The following STS variants were observed in gnomAD, a reference collection of about 807,000 sequenced individuals.
The protein encoded by STS is steroid sulfatase.
In STS, 7 loss-of-function variants were observed where a neutral mutation model predicts 26.8. That is an observed-to-expected ratio of 0.26 (90% CI 0.15 to 0.49). The LOEUF (loss-of-function observed/expected upper bound fraction) is 0.49. STS is among the 20% of genes least tolerant of loss of function. STS has a pLI of 0.98. For synonymous variants in STS, 199 were observed against 189.4 expected (o/e 1.05, Z -0.42); for missense variants, 434 against 465.6 (o/e 0.93, Z 0.63).
At chrX:7,178,448 C>A (rs1306885530) in intron 1 of STS, among the ~76,000 whole-genome samples, 1 of 111,505 alleles carries the variant, frequency 9.0e-6, no homozygotes, top group East Asian at 2.9e-4. Flanking sequence ...CATATACTCC[C>A]GCTGCCGCAT....
intron 7 of STS, among the ~76,000 whole-genome samples, chrX:7,285,652 CAT>C (rs756820202): frequency 9.8e-5 from 11 of 112,011 alleles, no homozygotes; most frequent in Non-Finnish European, 1.5e-4. Context: ...GTTCATTACA[CAT>C]GTTCTAGCAT....
At chrX:7,210,434 A>T (rs748631145) in intron 2 of STS, among the ~76,000 whole-genome samples, 1 of 108,052 alleles carries the variant, frequency 9.3e-6, no homozygotes, top group South Asian at 3.8e-4. Context: ...GAAATATAAA[A>T]TATTTATATA....
chrX:7,213,459 T>TG lies in STS; in HGVS notation c.-5+22454dup, dbSNP rs758674731. On this transcript the variant is annotated intron_variant, in intron 2 of 10. Coordinates refer to ENST00000674429, the MANE Select transcript of STS (RefSeq NM_001320752.2). The stretch of plus-strand genomic sequence containing the variant: ...AGTTGTAAAGGGGACCATCTTTCGG[T>TG]GGGAAAGGCAGGCAGGAGGGCAGGA... 2.0e-3 allele frequency among the ~76,000 whole-genome samples: 222 copies of TG among 110,588 alleles called. 1 individual carries two copies. Among genetic ancestry groups the TG allele is most frequent in the Middle Eastern group, 4.6e-3 (1 of 216 alleles).
At chrX:7,335,297 A>G (rs1927962135) in intron 10 of STS, among the ~76,000 whole-genome samples, 1 of 112,324 alleles carries the variant, frequency 8.9e-6, no homozygotes, top group South Asian at 3.7e-4. Context: ...AATGATTGCC[A>G]TTCTAACTGA....
intron 7 of STS, among the ~76,000 whole-genome samples, chrX:7,294,458 A>G (rs767847462): frequency 7.2e-4 from 80 of 111,409 alleles, no homozygotes; most frequent in Admixed American, 1.1e-3. Flanking sequence ...ATAAAAGTAC[A>G]TGAGAGCATC....
intron 2 of STS, among the ~76,000 whole-genome samples, chrX:7,240,839 G>A (rs1922583112): frequency 9.1e-6 from 1 of 109,663 alleles, no homozygotes; most frequent in Non-Finnish European, 1.9e-5. Context: ...ATTGTCGTGC[G>A]ATCCACTCCA....
intron 8 of STS, among the ~76,000 whole-genome samples, chrX:7,324,255 T>A (rs1222673828): frequency 9.0e-6 from 1 of 110,832 alleles, no homozygotes; most frequent in Admixed American, 9.7e-5. Flanking sequence ...TTTAAAGACC[T>A]GCAGTCAATA....
intron 8 of STS, among the ~76,000 whole-genome samples, chrX:7,323,775 T>C (rs1268427922): frequency 8.9e-6 from 1 of 111,809 alleles, no homozygotes; most frequent in Non-Finnish European, 1.9e-5. Context: ...AGGGCTATGT[T>C]TCTTGCTGAA....
At chrX:7,323,891 A>G (rs1448863411) in intron 8 of STS, among the ~76,000 whole-genome samples, 1 of 110,647 alleles carries the variant, frequency 9.0e-6, no homozygotes, top group African/African-American at 3.3e-5. Flanking sequence ...GCAGCATAGC[A>G]TCTTCCAGCC....
intron 2 of STS, among the ~76,000 whole-genome samples, chrX:7,248,803 T>G (rs1428341406): frequency 9.0e-6 from 1 of 111,175 alleles, no homozygotes; most frequent in African/African-American, 3.3e-5. Flanking sequence ...CCACTATCCA[T>G]CTCTAGAATT....
upstream of STS, among the ~76,000 whole-genome samples, chrX:7,147,562 CCATCA>C (rs778513733): frequency 2.7e-5 from 3 of 112,384 alleles, no homozygotes; most frequent in East Asian, 8.5e-4. Context: ...CAGGATGCTA[CCATCA>C]AAGTGCGCCC....
intron 7 of STS, among the ~76,000 whole-genome samples, chrX:7,293,859 G>A (rs1162837038): frequency 9.0e-6 from 1 of 111,584 alleles, no homozygotes; most frequent in Non-Finnish European, 1.9e-5. Context: ...AGGAAAAATA[G>A]CAGAAGGGTT....
intron 1 of STS, among the ~76,000 whole-genome samples, chrX:7,182,733 C>T (rs1373542662): frequency 9.0e-6 from 1 of 111,031 alleles, no homozygotes; most frequent in Non-Finnish European, 1.9e-5. Flanking sequence ...GTCTACCTCT[C>T]TAGACTCTGC....
chrX:7,339,040 A>G (rs1928164994), intron 10 of STS, among the ~76,000 whole-genome samples: 1 of 112,183 alleles, frequency 8.9e-6, no homozygotes, highest in Non-Finnish European at 1.9e-5. Flanking sequence ...TAACATAAAG[A>G]AAAGTGCTCG....
intron 7 of STS, among the ~76,000 whole-genome samples, chrX:7,302,182 C>G (rs1185081331): frequency 9.0e-6 from 1 of 111,724 alleles, no homozygotes; most frequent in African/African-American, 3.3e-5. Context: ...TAAATACTAA[C>G]TACAATACAC....
chrX:7,302,150 T>C (rs928560520), intron 7 of STS, among the ~76,000 whole-genome samples: 27 of 111,290 alleles, frequency 2.4e-4, no homozygotes, highest in Middle Eastern at 9.3e-3. Flanking sequence ...CAAAGGAGGG[T>C]GTATGGTCAT....
intron 2 of STS, among the ~76,000 whole-genome samples, chrX:7,201,010 TGATA>T (rs753266970): frequency 1.2e-4 from 13 of 110,723 alleles, no homozygotes; most frequent in African/African-American, 4.3e-4. Context: ...CGTAGATAAA[TGATA>T]GATCGATGGA....
chrX:7,214,981 C>CGTATATATATATTATATATGTAT (rs1569191514), intron 2 of STS, among the ~76,000 whole-genome samples: 3 of 37,713 alleles, frequency 8.0e-5, no homozygotes, highest in Non-Finnish European at 1.1e-4. Flanking sequence ...TGTATATATA[C>CGTATATATATATTATATATGTAT]ATATATATAC....
intron 2 of STS, among the ~76,000 whole-genome samples, chrX:7,211,454 G>A (rs1921028464): frequency 9.0e-6 from 1 of 111,625 alleles, no homozygotes; most frequent in Admixed American, 9.5e-5. Context: ...GTAATTTCTA[G>A]GTCTGTGGAC....
Sources: allele counts gnomAD v4.1 joint callset (sites outside exome capture counted in the v4.1 genomes callset), GRCh38; gene constraint gnomAD v4.1.1; transcripts MANE v1.5; gene names NCBI Gene and HGNC (gene_info 2026-07-23, HGNC 2026-07-21).